KCNJ1: variants seen among roughly 807,000 people sequenced by gnomAD.
KCNJ1 encodes potassium inwardly rectifying channel subfamily J member 1, also known as ATP-sensitive inward rectifier potassium channel 1.
Under a neutral mutation model 21.9 loss-of-function variants are expected in KCNJ1, and 24 were observed. That is an observed-to-expected ratio of 1.10 (90% CI 0.79 to 1.54). The LOEUF is 1.54. Ranked by LOEUF, KCNJ1 falls within the 40% of genes most tolerant of loss-of-function variation. The pLI is 0.00. For synonymous variants in KCNJ1, 152 were observed against 160.9 expected (o/e 0.94, Z 0.42); for missense variants, 457 against 455.4 (o/e 1.00, Z -0.03).
At chr11:128,844,167 T>G (rs1410123826) in intron 2 of KCNJ1, among the ~76,000 whole-genome samples, 2 of 152,234 alleles carry the variant, frequency 1.3e-5, no homozygotes, top group Admixed American at 1.3e-4. Flanking sequence ...CCCACTCTAA[T>G]GGAGATGTCT....
intron 1 of KCNJ1, among the ~76,000 whole-genome samples, chr11:128,865,679 C>T (rs368051760): frequency 1.3e-5 from 2 of 152,034 alleles, no homozygotes; most frequent in East Asian, 3.9e-4. Context: ...AAGTAAAAGG[C>T]AAAGCATGTG....
chr11:128,850,526 C>T (rs186207553), intron 2 of KCNJ1, among the ~76,000 whole-genome samples, 195 bp downstream of exon 2: 2 of 152,306 alleles, frequency 1.3e-5, no homozygotes, highest in African/African-American at 2.4e-5. Flanking sequence ...TTGAAAGGGG[C>T]TGTGGAGAGA....
intron 1 of KCNJ1, among the ~76,000 whole-genome samples, chr11:128,859,220 G>T (rs923403356): frequency 6.6e-6 from 1 of 152,218 alleles, no homozygotes; most frequent in East Asian, 1.9e-4. Flanking sequence ...GAGGTTTAGA[G>T]AATTTTAAAA....
intron 1 of KCNJ1, among the ~76,000 whole-genome samples, chr11:128,864,958 C>T (rs78455242): frequency 0.011 from 1,678 of 152,230 alleles, 38 homozygotes; most frequent in African/African-American, 0.038. Flanking sequence ...TCACCACCTT[C>T]CGGACACTGC....
At chr11:128,858,522 G>C (rs186460935) in intron 1 of KCNJ1, among the ~76,000 whole-genome samples, 1 of 152,170 alleles carries the variant, frequency 6.6e-6, no homozygotes, top group Admixed American at 6.5e-5. Flanking sequence ...TTGAAGGTGA[G>C]GGAAGACAAG....
intron 1 of KCNJ1, among the ~76,000 whole-genome samples, chr11:128,855,673 A>G (rs369951821): frequency 6.6e-6 from 1 of 152,236 alleles, no homozygotes; most frequent in African/African-American, 2.4e-5. Context: ...GTTCTCCTCC[A>G]TGAACATGGA....
rs373117357 is a variant in KCNJ1, at chr11:128,866,588, G to C, written c.-192+585C>G. 4.5e-5 allele frequency: 42 copies of C among 928,670 alleles called. No homozygotes were observed. In the African/African-American group the frequency reaches 6.1e-4, roughly 13 times the overall value. 57.5% of individuals were successfully genotyped at this position (928,670 alleles called of 1,614,324 possible). A position where few individuals can be genotyped will look rare whatever the true frequency, so the allele number is the denominator to read the frequency against. The stretch of plus-strand genomic sequence containing the variant: ...AGAGCAATTGTCACAACAGTCATTA[G>C]GAAGCTGAACAAATGTTGAGAAATC... On this transcript the variant is annotated intron_variant, in intron 1 of 2. Coordinates refer to ENST00000392666, the MANE Select transcript of KCNJ1 (RefSeq NM_153766.3).
intron 2 of KCNJ1, 38 bp from the exon 3 acceptor site, chr11:128,840,302 T>C: frequency 6.3e-7 from 1 of 1,599,252 alleles, no homozygotes; most frequent in Non-Finnish European, 8.6e-7. Context: ...AAGGATTATG[T>C]TTATAGCAAT....
At chr11:128,850,442 C>T (rs993417778) in intron 2 of KCNJ1, among the ~76,000 whole-genome samples, 2 of 152,204 alleles carry the variant, frequency 1.3e-5, no homozygotes, top group East Asian at 3.8e-4. Context: ...AGGCAGAGAA[C>T]AGAGGCTCAA....
At chr11:128,848,287 CAAAAAAA>C (rs1002326097) in intron 2 of KCNJ1, among the ~76,000 whole-genome samples, 1 of 48,894 alleles carries the variant, frequency 2.0e-5, no homozygotes, top group Non-Finnish European at 4.2e-5. Context: ...GACTCCGTCT[CAAAAAAA>C]AAAAAAAAAA....
Position 128,850,745 on chromosome 11 carries a change from T to C in KCNJ1, c.-46A>G, listed in dbSNP as rs1943466337. 1.0e-6 allele frequency: 1 copy of C among 985,296 alleles called. No individual in the cohort carries two copies. The allele number at this position is 985,296 out of a possible 1,614,324, so 61.0% of individuals were successfully genotyped here. On this transcript the variant is annotated 5_prime_UTR_variant, in exon 2 of 3. Transcript: ENST00000392666. Reference sequence around the variant, plus strand: ...CCTCTGTCAGAAGAGGTTCAGGAGATGATTTTCAAAACTTCATGTATAAGT... The same window carrying C: ...CCTCTGTCAGAAGAGGTTCAGGAGACGATTTTCAAAACTTCATGTATAAGT...
intron 1 of KCNJ1, among the ~76,000 whole-genome samples, chr11:128,854,962 GT>G (rs1264194239): frequency 6.6e-6 from 1 of 152,196 alleles, no homozygotes; most frequent in African/African-American, 2.4e-5. Flanking sequence ...TCCCCACTGA[GT>G]CTCTGGCCTT....
At chr11:128,858,927 G>A (rs1754658145) in intron 1 of KCNJ1, among the ~76,000 whole-genome samples, 1 of 152,206 alleles carries the variant, frequency 6.6e-6, no homozygotes, top group South Asian at 2.1e-4. Context: ...AGACCTGAAA[G>A]GTGGTAGTGT....
chr11:128,845,689 A>G (rs1006199160), intron 2 of KCNJ1, among the ~76,000 whole-genome samples: 22 of 152,220 alleles, frequency 1.4e-4, no homozygotes, highest in African/African-American at 5.1e-4. Flanking sequence ...CTTTTTAGAT[A>G]GAACTTGGCA....
At chr11:128,853,743 C>T (rs1344010215) in intron 1 of KCNJ1, among the ~76,000 whole-genome samples, 2 of 152,232 alleles carry the variant, frequency 1.3e-5, no homozygotes, top group African/African-American at 2.4e-5. Context: ...TTCCCCTCAA[C>T]TCTCAACCCA....
At chr11:128,849,572 TGGA>T (rs955470364) in intron 2 of KCNJ1, among the ~76,000 whole-genome samples, 4 of 152,032 alleles carry the variant, frequency 2.6e-5, no homozygotes, top group Non-Finnish European at 5.9e-5. Context: ...GGGTGTGTGT[TGGA>T]GGAGAAGACC....
At chr11:128,844,751 C>T (rs1290602919) in intron 2 of KCNJ1, among the ~76,000 whole-genome samples, 1 of 151,976 alleles carries the variant, frequency 6.6e-6, no homozygotes, top group African/African-American at 2.4e-5. Context: ...AGCAGTCAAA[C>T]AGCCACTATG....
chr11:128,845,685 A>G (rs1943367372), intron 2 of KCNJ1, among the ~76,000 whole-genome samples: 1 of 152,166 alleles, frequency 6.6e-6, no homozygotes, highest in African/African-American at 2.4e-5. Context: ...GGCTCTTTTT[A>G]GATAGAACTT....
chr11:128,846,550 G>A (rs1363650385), intron 2 of KCNJ1, among the ~76,000 whole-genome samples: 1 of 152,164 alleles, frequency 6.6e-6, no homozygotes, highest in African/African-American at 2.4e-5. Flanking sequence ...AACTATGCTA[G>A]CTTCAGAGCC....
Sources: allele counts gnomAD v4.1 joint callset (sites outside exome capture counted in the v4.1 genomes callset), GRCh38; gene constraint gnomAD v4.1.1; transcripts MANE v1.5; gene names NCBI Gene and HGNC (gene_info 2026-07-23, HGNC 2026-07-21).